The following SERF1B variants were observed in gnomAD, a reference collection of about 807,000 sequenced individuals.
The protein encoded by SERF1B is small EDRK-rich factor 1B, also known as small EDRK-rich factor 1.
At position 70,035,387 on chromosome 5, in the gene SERF1B, T is replaced by TA. The variant is rs1464535761; in HGVS notation, c.117-6137_117-6136insA. Among the ~76,000 whole-genome samples the TA allele has an allele frequency of 1.4e-3, 194 of 138,736 alleles. No homozygotes were observed. In the Middle Eastern group the frequency reaches 0.015, roughly 11 times the overall value. The allele number at this position is 138,736 out of a possible 152,430, so 91.0% of individuals were successfully genotyped here. On this transcript the variant is annotated intron_variant, in intron 2 of 2. Coordinates refer to ENST00000380750, the MANE Select transcript of SERF1B (RefSeq NM_022978.3). ...TTAATTATTATTATTATTATTATTT[T>TA]TTTTTTTTTTTGAGACGGAGTTTCG... is the stretch of plus-strand genomic sequence containing the variant.
chr5:70,036,629 A>ACACTCTCTCTCTCTCTCT (rs763495681), intron 2 of SERF1B, among the ~76,000 whole-genome samples: 67 of 49,900 alleles, frequency 1.3e-3, no homozygotes, highest in East Asian at 4.0e-3. Flanking sequence ...ACACACACAC[A>ACACTCTCTCTCTCTCTCT]CTCTCTCTCT....
At chr5:70,038,075 C>G (rs1445141111) in intron 2 of SERF1B, among the ~76,000 whole-genome samples, 1 of 130,138 alleles carries the variant, frequency 7.7e-6, no homozygotes, top group African/African-American at 3.3e-5. Context: ...GGAACACTTC[C>G]TTGCAGCAGT....
intron 2 of SERF1B, among the ~76,000 whole-genome samples, chr5:70,032,108 A>G (rs552822020): frequency 1.3e-5 from 2 of 151,706 alleles, no homozygotes; most frequent in East Asian, 3.9e-4. Context: ...ATGATAACAG[A>G]GATGGTATTC....
At chr5:70,029,462 ATTTTTT>A (rs1258748610) in intron 2 of SERF1B, among the ~76,000 whole-genome samples, 3 of 144,270 alleles carry the variant, frequency 2.1e-5, no homozygotes, top group Non-Finnish European at 4.6e-5. Context: ...TTTTTTTTGA[ATTTTTT>A]TTTTATTATT....
intron 2 of SERF1B, 79 bp from the exon 3 acceptor site, chr5:70,041,445 G>A (rs1774256894): frequency 1.6e-6 from 1 of 634,878 alleles, no homozygotes; most frequent in Non-Finnish European, 2.8e-6. Context: ...GTGTGGGAAT[G>A]TATTTGATTC....
intron 2 of SERF1B, among the ~76,000 whole-genome samples, chr5:70,037,971 CAAAAAA>C (rs1186882673): frequency 1.1e-5 from 1 of 88,590 alleles, no homozygotes; most frequent in Non-Finnish European, 2.1e-5. Context: ...AAAAAAAAAA[CAAAAAA>C]AAAAACATAC....
intron 2 of SERF1B, chr5:70,030,179 C>T (rs1223367028): frequency 3.4e-5 from 2 of 58,822 alleles, no homozygotes; most frequent in Admixed American, 2.4e-4. Context: ...TAGCTTGGTT[C>T]AGAAATTGTC....
rs1280824293 is a variant in SERF1B, at chr5:70,037,598, G to A, written c.117-3926G>A. 7.3e-5 allele frequency among the ~76,000 whole-genome samples: 11 copies of A among 150,250 alleles called. No homozygotes were observed. In the South Asian group the frequency reaches 1.3e-3, roughly 17 times the overall value. On this transcript the variant is annotated intron_variant, in intron 2 of 2. Transcript: ENST00000380750. ...CGGGAGGTGGAGATTTCAGTGAGCCGAGATTGCACCACTGCACTCCAGTCT... is the reference window on the plus strand; with the variant it reads ...CGGGAGGTGGAGATTTCAGTGAGCCAAGATTGCACCACTGCACTCCAGTCT...
chr5:70,036,629 A>ACACACACACTCTCTCTCTCT (rs763495681), intron 2 of SERF1B, among the ~76,000 whole-genome samples: 1 of 49,878 alleles, frequency 2.0e-5, no homozygotes, highest in African/African-American at 6.6e-5. Flanking sequence ...ACACACACAC[A>ACACACACACTCTCTCTCTCT]CTCTCTCTCT....
At chr5:70,036,427 A>G (rs1774183894) in intron 2 of SERF1B, among the ~76,000 whole-genome samples, 1 of 91,982 alleles carries the variant, frequency 1.1e-5, no homozygotes, top group South Asian at 3.8e-4. Context: ...TCTCTACCAA[A>G]AAAAAAAAAA....
At chr5:70,029,060 A>G (rs1774105367) in intron 2 of SERF1B, among the ~76,000 whole-genome samples, 1 of 151,978 alleles carries the variant, frequency 6.6e-6, no homozygotes, top group Non-Finnish European at 1.5e-5. Flanking sequence ...TTTATCTTTC[A>G]TCCAGTTCTG....
intron 2 of SERF1B, among the ~76,000 whole-genome samples, chr5:70,038,221 A>G (rs1300648082): frequency 1.3e-5 from 2 of 151,218 alleles, no homozygotes; most frequent in East Asian, 3.9e-4. Context: ...TTTTTTGGTC[A>G]AAGACTGTAG....
intron 2 of SERF1B, among the ~76,000 whole-genome samples, chr5:70,036,623 A>ACTCTCTCTCTCTCT (rs1561408550): frequency 4.8e-5 from 4 of 83,448 alleles, no homozygotes; most frequent in Admixed American, 1.4e-4. Flanking sequence ...ACACACACAC[A>ACTCTCTCTCTCTCT]CACACACTCT....
At chr5:70,028,572 T>A in intron 2 of SERF1B, among the ~76,000 whole-genome samples, 1 of 110,704 alleles carries the variant, frequency 9.0e-6, no homozygotes, top group Non-Finnish European at 1.9e-5. Flanking sequence ...AAAAGCCAAC[T>A]GTGGTGGCGA....
chr5:70,029,432 G>T (rs1418213512), intron 2 of SERF1B, among the ~76,000 whole-genome samples: 2 of 148,098 alleles, frequency 1.4e-5, no homozygotes, highest in East Asian at 2.0e-4. Flanking sequence ...CACCACGCTG[G>T]CCCAGTTATA....
Position 70,041,975 on chromosome 5 carries a change from TGCAG to T in SERF1B, c.*236_*239del. The T allele has an allele frequency of 1.6e-6, 1 of 617,128 alleles. No homozygotes were observed. The highest frequency in any genetic ancestry group is 2.9e-6 in the Non-Finnish European group (1 of 348,356). 38.2% of individuals were successfully genotyped at this position (617,128 alleles called of 1,614,324 possible). On this transcript the variant is annotated 3_prime_UTR_variant, in exon 3 of 3. Transcript: ENST00000380750. Reference sequence around the variant, plus strand: ...GTCTCACTCTGTCACCAGACTGGAGTGCAGTGGCGCCATCTCAGCTCCATGCAAC... The same window carrying T: ...GTCTCACTCTGTCACCAGACTGGAGTTGGCGCCATCTCAGCTCCATGCAAC...
chr5:70,035,383 A>ATTTTTT lies in SERF1B; in HGVS notation c.117-6131_117-6126dup, dbSNP rs763970203. 6.1e-4 allele frequency among the ~76,000 whole-genome samples: 83 copies of ATTTTTT among 136,470 alleles called. 1 individual carries two copies. Among genetic ancestry groups the ATTTTTT allele is most frequent in the Non-Finnish European group, 1.1e-3 (66 of 62,714 alleles). The allele number at this position is 136,470 out of a possible 152,430, so 89.5% of individuals were successfully genotyped here. On this transcript the variant is annotated intron_variant, in intron 2 of 2. Transcript: ENST00000380750. Reference sequence around the variant, plus strand: ...AATTTTAATTATTATTATTATTATTATTTTTTTTTTTTTTTGAGACGGAGT... The same window carrying ATTTTTT: ...AATTTTAATTATTATTATTATTATTATTTTTTTTTTTTTTTTTTTTTGAGACGGAGT...
chr5:70,036,759 A>C lies in SERF1B; in HGVS notation c.117-4765A>C, dbSNP rs1233216271. 2.6e-5 allele frequency among the ~76,000 whole-genome samples: 3 copies of C among 114,604 alleles called. No individual in the cohort carries two copies. In the East Asian group the frequency reaches 7.9e-4, roughly 30 times the overall value. 75.2% of individuals were successfully genotyped at this position (114,604 alleles called of 152,430 possible). A position where few individuals can be genotyped will look rare whatever the true frequency, so the allele number is the denominator to read the frequency against. ...GAACATTTATTACATTGCCTCCTAC[A>C]ACTTCATCAGCTAATGTATTTGCTA... On this transcript the variant is annotated intron_variant, in intron 2 of 2. Transcript: ENST00000380750.
chr5:70,029,494 G>A (rs1372439622), intron 2 of SERF1B, among the ~76,000 whole-genome samples: 1 of 147,310 alleles, frequency 6.8e-6, no homozygotes, highest in Non-Finnish European at 1.5e-5. Context: ...TTAAGTTCTA[G>A]GGTATATATG....
Sources: gnomAD v4.1 joint callset for allele counts (sites outside exome capture counted in the v4.1 genomes callset) on GRCh38, gnomAD v4.1.1 for gene constraint, MANE v1.5 for transcripts, NCBI Gene and HGNC (gene_info 2026-07-23, HGNC 2026-07-21) for gene names.